The following RAP1A variants were observed in gnomAD, a reference collection of about 807,000 sequenced individuals.
RAP1A encodes RAP1A, member of RAS oncogene family.
In RAP1A, 6 loss-of-function variants were observed where a neutral mutation model predicts 26.4. The ratio of observed to expected loss-of-function variants is 0.23; its 90% CI spans 0.12 to 0.45. The LOEUF (loss-of-function observed/expected upper bound fraction) is 0.45, where lower values mean the gene tolerates loss of function less well. Ranked by LOEUF, RAP1A falls within the 20% of genes least tolerant of loss-of-function variation. The pLI is 0.99. For missense variants in RAP1A, 121 were observed against 217.2 expected, an observed-to-expected ratio of 0.56 and a Z score of 2.78; for synonymous variants, 73 against 79.4, an observed-to-expected ratio of 0.92 and a Z score of 0.43.
At chr1:111,682,504 CA>C (rs375059165) in intron 1 of RAP1A, among the ~76,000 whole-genome samples, 9,139 of 113,550 alleles carry the variant, frequency 0.08, 259 homozygotes, top group East Asian at 0.087. Flanking sequence ...AATGGAAAGC[CA>C]AAAAAAAAAA....
chr1:111,578,432 AC>A, intron 1 of RAP1A, among the ~76,000 whole-genome samples: 1 of 152,244 alleles, frequency 6.6e-6, no homozygotes, highest in South Asian at 2.1e-4. Flanking sequence ...GTTTGGTCAG[AC>A]ATATGGGTGT....
chr1:111,656,911 CATT>C (rs141968207), intron 1 of RAP1A, among the ~76,000 whole-genome samples: 1,663 of 152,106 alleles, frequency 0.011, 25 homozygotes, highest in African/African-American at 0.038. Context: ...AGTACATTCA[CATT>C]GTTGTGCAGA....
Position 111,649,092 on chromosome 1 carries a change from T to C in RAP1A, c.-28+29158T>C, listed in dbSNP as rs1309084916. On this transcript the variant is annotated intron_variant, in intron 1 of 7. Coordinates refer to ENST00000369709, the MANE Select transcript of RAP1A (RefSeq NM_002884.4). ...CTCTGTCTCATACTTGACTCTAAAG[T>C]CATCAGTAGCAAGATGGGCATTGTC... 1.5e-5 allele frequency: 9 copies of C among 603,514 alleles called. No homozygotes were observed. The African/African-American group carries it at 1.7e-4, about 11-fold the overall frequency. 37.4% of individuals were successfully genotyped at this position (603,514 alleles called of 1,614,324 possible). A position where few individuals can be genotyped will look rare whatever the true frequency, so the allele number is the denominator to read the frequency against.
intron 1 of RAP1A, among the ~76,000 whole-genome samples, chr1:111,684,006 C>T (rs1345103744): frequency 6.6e-6 from 1 of 152,184 alleles, no homozygotes; most frequent in Admixed American, 6.5e-5. Flanking sequence ...GTTGGTTCAA[C>T]ATATGCAAAT....
At chr1:111,690,474 C>G (rs1661635474) in intron 1 of RAP1A, among the ~76,000 whole-genome samples, 1 of 152,254 alleles carries the variant, frequency 6.6e-6, no homozygotes, top group Admixed American at 6.5e-5. Flanking sequence ...TTCTTTCTCC[C>G]TTCACCACAG....
At chr1:111,670,070 GT>G (rs200337616) in intron 1 of RAP1A, among the ~76,000 whole-genome samples, 3 of 151,488 alleles carry the variant, frequency 2.0e-5, no homozygotes, top group East Asian at 1.9e-4. Flanking sequence ...AAAACTGGGA[GT>G]TTTTTTTTGT....
intron 1 of RAP1A, among the ~76,000 whole-genome samples, chr1:111,632,921 C>CA (rs59053038): frequency 0.33 from 22,503 of 68,644 alleles, 3,680 homozygotes; most frequent in East Asian, 0.42. Flanking sequence ...AACTTGGTCT[C>CA]AAAAAAAAAA....
intron 1 of RAP1A, among the ~76,000 whole-genome samples, chr1:111,561,224 G>T (rs772014442): frequency 6.6e-6 from 1 of 152,172 alleles, no homozygotes; most frequent in Non-Finnish European, 1.5e-5. Context: ...CCCAGGCTTA[G>T]ATGATCCTCC....
Position 111,697,455 on chromosome 1 carries a change from T to G in RAP1A, c.141T>G (p.Asp47Glu), listed in dbSNP as rs759282251. ...TGCCCCCACAGCAAGTTGAAGTCGA[T>G]TGCCAACAGTGTATGCTCGAAATCC... is the stretch of plus-strand genomic sequence containing the variant. Reference protein sequence around the residue: ...EDSYRKQVEVDCQQCMLEILD... With the variant: ...EDSYRKQVEVECQQCMLEILD... Residue 47 changes from aspartate (D) to glutamate (E), a missense_variant, in exon 4 of 8, where the codon GAT (aspartate) becomes GAG (glutamate). Coordinates refer to ENST00000369709, the MANE Select transcript of RAP1A (RefSeq NM_002884.4). 9 of 1,613,092 alleles carry G rather than the reference T, an allele frequency of 5.6e-6. No individual in the cohort carries two copies. The highest frequency in any genetic ancestry group is 1.7e-4 in the Middle Eastern group (1 of 6,060).
intron 1 of RAP1A, among the ~76,000 whole-genome samples, chr1:111,587,243 ATTC>A (rs1461641515): frequency 2.6e-5 from 4 of 152,084 alleles, no homozygotes; most frequent in Non-Finnish European, 5.9e-5. Context: ...TCCTTCTGTC[ATTC>A]TTCTCAACAG....
chr1:111,563,668 A>G (rs1007619488), intron 1 of RAP1A, among the ~76,000 whole-genome samples: 11 of 152,226 alleles, frequency 7.2e-5, no homozygotes, highest in African/African-American at 1.2e-4. Context: ...CACGTATATT[A>G]TGTCACATCA....
intron 1 of RAP1A, among the ~76,000 whole-genome samples, chr1:111,561,896 C>T (rs560573787): frequency 1.3e-5 from 2 of 152,122 alleles, no homozygotes; most frequent in South Asian, 4.2e-4. Flanking sequence ...TTTTTCAACA[C>T]TCCTCCCCAT....
rs1557902832 is a variant in RAP1A at position 111,715,325 on chromosome 1, C to CCCCG, written c.*2926_*2927insCGCC. The CCCCG allele has an allele frequency of 6.6e-6, 1 of 151,230 alleles. No homozygotes were observed. 9.4% of individuals were successfully genotyped at this position (151,230 alleles called of 1,614,324 possible). A position where few individuals can be genotyped will look rare whatever the true frequency, so the allele number is the denominator to read the frequency against. On this transcript the variant is annotated 3_prime_UTR_variant, in exon 8 of 8. Transcript: ENST00000369709. ...ACTCCTGACTTCGTGATCCGCCCCC[C>CCCCG]CCTCAGCCTCCCAAAGTGCTGGGAT... is the stretch of plus-strand genomic sequence containing the variant.
intron 1 of RAP1A, among the ~76,000 whole-genome samples, chr1:111,650,145 T>C (rs1184743582): frequency 6.7e-6 from 1 of 149,630 alleles, no homozygotes; most frequent in Non-Finnish European, 1.5e-5. Context: ...TCTCATTTGA[T>C]CTTCACAATT....
intron 1 of RAP1A, among the ~76,000 whole-genome samples, chr1:111,613,817 C>A (rs1309008199): frequency 1.3e-5 from 2 of 152,180 alleles, no homozygotes; most frequent in Non-Finnish European, 1.5e-5. Context: ...ATTTTGTGGA[C>A]CAGCATCAAC....
intron 1 of RAP1A, among the ~76,000 whole-genome samples, chr1:111,656,145 A>G (rs1228013885): frequency 2.0e-5 from 3 of 151,902 alleles, no homozygotes; most frequent in African/African-American, 7.3e-5. Context: ...GGATAGTTAA[A>G]TTACTGTACA....
chr1:111,679,049 A>C (rs1460946885), intron 1 of RAP1A, among the ~76,000 whole-genome samples: 2 of 152,210 alleles, frequency 1.3e-5, no homozygotes, highest in Non-Finnish European at 2.9e-5. Context: ...TTTCCTCAGA[A>C]CCCAGATAAA....
chr1:111,551,666 T>A (rs1657262813), intron 1 of RAP1A, among the ~76,000 whole-genome samples: 2 of 152,326 alleles, frequency 1.3e-5, no homozygotes, highest in African/African-American at 4.8e-5. Flanking sequence ...CAAAAATACA[T>A]TAATAACATC....
chr1:111,669,751 G>A (rs193212959), intron 1 of RAP1A, among the ~76,000 whole-genome samples: 4 of 152,332 alleles, frequency 2.6e-5, no homozygotes, highest in Non-Finnish European at 4.4e-5. Context: ...AGTATTTAAG[G>A]AGATTACAAT....
Sources: gnomAD v4.1 joint callset for allele counts (sites outside exome capture counted in the v4.1 genomes callset) on GRCh38, gnomAD v4.1.1 for gene constraint, MANE v1.5 for transcripts, NCBI Gene and HGNC (gene_info 2026-07-23, HGNC 2026-07-21) for gene names.